FRMD3: variants seen among roughly 807,000 people sequenced by gnomAD.
FRMD3 encodes the protein FERM domain containing 3.
Under a neutral mutation model 70.2 loss-of-function variants are expected in FRMD3, and 33 were observed. The observed-to-expected ratio is 0.47, with a 90% CI of 0.36 to 0.63. The LOEUF (loss-of-function observed/expected upper bound fraction) is 0.63. Ranked by LOEUF, FRMD3 falls within the 20% of genes least tolerant of loss-of-function variation. The pLI, the probability that FRMD3 is intolerant of heterozygous loss-of-function variation, is 0.00. For missense variants in FRMD3, 632 were observed against 711.4 expected (o/e 0.89, Z 1.27); for synonymous variants, 279 against 255.9 (o/e 1.09, Z -0.86).
chr9:83,485,054 T>A (rs1282184482), intron 1 of FRMD3, among the ~76,000 whole-genome samples: 2 of 152,334 alleles, frequency 1.3e-5, no homozygotes, highest in South Asian at 2.1e-4. Context: ...CAAATATTGA[T>A]GATAGCTCTA....
Position 83,310,473 on chromosome 9 carries a change from G to C in FRMD3, c.837+12C>G, listed in dbSNP as rs189818284. On this transcript the variant is annotated intron_variant, in intron 9 of 13. Transcript: ENST00000304195. Reference sequence around the variant, plus strand: ...CACAATAACAGGCAGTTAAAAAAAAGCAGTATCTGACCTCCTTCTGGGTGC... The same window carrying C: ...CACAATAACAGGCAGTTAAAAAAAACCAGTATCTGACCTCCTTCTGGGTGC... 3.3e-4 allele frequency: 522 copies of C among 1,596,208 alleles called. 1 individual carries two copies. The highest frequency in any genetic ancestry group is 4.2e-4 in the Non-Finnish European group (487 of 1,172,258).
rs1832059279 is a variant in FRMD3 at position 83,245,670 on chromosome 9, A to ATAT, written c.*2245_*2247dup. ...TCCATAATTTAAAAAATATTATATA[A>ATAT]TATTATTTTGAAAGACTGAGGGCCA... is the stretch of plus-strand genomic sequence containing the variant. On this transcript the variant is annotated 3_prime_UTR_variant, in exon 14 of 14. Transcript: ENST00000304195. 2.2e-6 allele frequency: 2 copies of ATAT among 891,534 alleles called. No individual in the cohort carries two copies. The highest frequency in any genetic ancestry group is 5.2e-5 in the South Asian group (1 of 19,368). 55.2% of individuals were successfully genotyped at this position (891,534 alleles called of 1,614,324 possible).
At chr9:83,360,866 T>C (rs1009133396) in intron 3 of FRMD3, among the ~76,000 whole-genome samples, 2 of 152,196 alleles carry the variant, frequency 1.3e-5, no homozygotes, top group African/African-American at 4.8e-5. Context: ...GTTACTGTCC[T>C]CTCCTTCCAT....
intron 1 of FRMD3, among the ~76,000 whole-genome samples, chr9:83,491,947 G>A (rs1437434098): frequency 2.6e-5 from 4 of 152,204 alleles, no homozygotes; most frequent in Non-Finnish European, 5.9e-5. Flanking sequence ...TGTTGATGGT[G>A]TTTGTTAATG....
intron 6 of FRMD3, among the ~76,000 whole-genome samples, chr9:83,328,012 A>C (rs1320447453): frequency 3.9e-5 from 6 of 152,204 alleles, no homozygotes; most frequent in Non-Finnish European, 2.9e-5. Context: ...TGAAAGAGAC[A>C]GTGGTAACAC....
chr9:83,530,703 G>T (rs1564118654), intron 1 of FRMD3, among the ~76,000 whole-genome samples: 3 of 151,470 alleles, frequency 2.0e-5, no homozygotes, highest in African/African-American at 4.9e-5. Flanking sequence ...TTTGAAAATA[G>T]TTTTTTTTTA....
chr9:83,327,530 G>A (rs544139117), intron 6 of FRMD3, among the ~76,000 whole-genome samples: 34 of 152,242 alleles, frequency 2.2e-4, no homozygotes, highest in Admixed American at 1.1e-3. Flanking sequence ...GCCTCCTGCC[G>A]TCAGCAAGGG....
At chr9:83,478,020 G>A (rs1389267781) in intron 1 of FRMD3, among the ~76,000 whole-genome samples, 10 of 152,104 alleles carry the variant, frequency 6.6e-5, no homozygotes, top group Non-Finnish European at 1.0e-4. Context: ...AACTTCCATT[G>A]AACTAGAGCC....
At chr9:83,424,819 G>A (rs558176738) in intron 1 of FRMD3, among the ~76,000 whole-genome samples, 1 of 152,246 alleles carries the variant, frequency 6.6e-6, no homozygotes, top group Non-Finnish European at 1.5e-5. Flanking sequence ...TCCACACAAA[G>A]TAGGTCTTAC....
intron 4 of FRMD3, among the ~76,000 whole-genome samples, chr9:83,344,566 T>G (rs749684147): frequency 1.3e-5 from 2 of 152,210 alleles, no homozygotes; most frequent in Admixed American, 1.3e-4. Context: ...CTGAATTCAC[T>G]CTGCCTGACT....
At chr9:83,285,996 T>C (rs934340736) in intron 13 of FRMD3, among the ~76,000 whole-genome samples, 5 of 152,208 alleles carry the variant, frequency 3.3e-5, no homozygotes, top group African/African-American at 4.8e-5. Flanking sequence ...GATTTTGTTT[T>C]TTCTCCACCC....
chr9:83,464,250 G>A (rs1284458113), intron 1 of FRMD3, among the ~76,000 whole-genome samples: 1 of 152,190 alleles, frequency 6.6e-6, no homozygotes, highest in Non-Finnish European at 1.5e-5. Context: ...GTTCTGATCA[G>A]AGGCTGTAGT....
In FRMD3 at chr9:83,425,562, G is replaced by A. The variant is rs114144621; in HGVS notation, c.148-35854C>T. ...AGGGAGTTGGATTTTTCTCTGAAAGGAGAGGAAGCCACCAAATGAGTGGCA... is the reference window on the plus strand; with the variant it reads ...AGGGAGTTGGATTTTTCTCTGAAAGAAGAGGAAGCCACCAAATGAGTGGCA... On this transcript the variant is annotated intron_variant, in intron 1 of 13. Transcript: ENST00000304195. 6.6e-3 allele frequency among the ~76,000 whole-genome samples: 1,007 copies of A among 152,252 alleles called. 13 individuals carry two copies. The highest frequency in any genetic ancestry group is 0.022 in the African/African-American group (921 of 41,558).
At chr9:83,326,937 G>A (rs1283598543) in intron 6 of FRMD3, among the ~76,000 whole-genome samples, 1 of 152,166 alleles carries the variant, frequency 6.6e-6, no homozygotes, top group African/African-American at 2.4e-5. Flanking sequence ...AGACAAAAAG[G>A]AACAATTTCC....
At chr9:83,386,694 C>T (rs72745020) in intron 2 of FRMD3, among the ~76,000 whole-genome samples, 21,329 of 152,108 alleles carry the variant, frequency 0.14, 1,676 homozygotes, top group Non-Finnish European at 0.18. Context: ...AACTAAACTA[C>T]AGACTTTCTG....
At chr9:83,573,333 T>A in the FRMD3 span, among the ~76,000 whole-genome samples, 2 of 152,228 alleles carry the variant, frequency 1.3e-5, no homozygotes, top group Non-Finnish European at 2.9e-5. Context: ...CTAAGAATGA[T>A]ATTGCCATGT....
chr9:83,517,172 T>G (rs1441379334), intron 1 of FRMD3, among the ~76,000 whole-genome samples: 3 of 151,914 alleles, frequency 2.0e-5, no homozygotes, highest in Non-Finnish European at 4.4e-5. Flanking sequence ...AAAAAATCAA[T>G]GAAACCAGGA....
the FRMD3 span, among the ~76,000 whole-genome samples, chr9:83,549,388 T>C: frequency 6.6e-6 from 1 of 152,210 alleles, no homozygotes; most frequent in African/African-American, 2.4e-5. Flanking sequence ...ATGTCCTTGC[T>C]ATTGTGAACA....
chr9:83,476,984 C>A (rs374146880), intron 1 of FRMD3, among the ~76,000 whole-genome samples: 1 of 152,144 alleles, frequency 6.6e-6, no homozygotes, highest in East Asian at 1.9e-4. Context: ...ATCCCCAGTA[C>A]CTAACTAGCA....
Sources: gnomAD v4.1 joint callset for allele counts (sites outside exome capture counted in the v4.1 genomes callset) on GRCh38, gnomAD v4.1.1 for gene constraint, MANE v1.5 for transcripts, NCBI Gene and HGNC (gene_info 2026-07-23, HGNC 2026-07-21) for gene names.